DCUN1D4: variants seen among roughly 807,000 people sequenced by gnomAD.
DCUN1D4 encodes DCN1-like protein 4.
A neutral mutation model predicts 47.9 loss-of-function variants in DCUN1D4; 22 were observed. The observed-to-expected ratio is 0.46, with a 90% confidence interval of 0.33 to 0.66. The LOEUF is 0.66. DCUN1D4 is among the 30% of genes least tolerant of loss of function. The pLI, the probability that DCUN1D4 is intolerant of heterozygous loss-of-function variation, is 0.02. For missense variants in DCUN1D4, 301 were observed against 340.8 expected (o/e 0.88, Z 0.92); for synonymous variants, 121 against 112.2 (o/e 1.08, Z -0.50).
At chr4:51,872,873 G>A (rs150782065) in intron 3 of DCUN1D4, among the ~76,000 whole-genome samples, 3 of 152,360 alleles carry the variant, frequency 2.0e-5, no homozygotes, top group South Asian at 2.1e-4. Context: ...CGCCATGAGC[G>A]CAGTGCGCAT....
chr4:51,880,900 G>A (rs1167694893), intron 5 of DCUN1D4, among the ~76,000 whole-genome samples: 2 of 152,124 alleles, frequency 1.3e-5, no homozygotes, highest in East Asian at 1.9e-4. Flanking sequence ...AGGTCAAGGC[G>A]GGTGGATCAT....
At chr4:51,906,270 G>A (rs565213192) in intron 8 of DCUN1D4, among the ~76,000 whole-genome samples, 3 of 152,226 alleles carry the variant, frequency 2.0e-5, no homozygotes, top group African/African-American at 4.8e-5. Flanking sequence ...GCTGTAAGCA[G>A]CCACACAGGT....
intron 1 of DCUN1D4, among the ~76,000 whole-genome samples, chr4:51,847,511 C>T (rs1339815503): frequency 6.6e-6 from 1 of 152,202 alleles, no homozygotes; most frequent in Non-Finnish European, 1.5e-5. Context: ...GGAGAGATTG[C>T]ATCTCTTCCC....
intron 1 of DCUN1D4, among the ~76,000 whole-genome samples, chr4:51,856,542 A>G (rs1724172590): frequency 6.6e-6 from 1 of 152,112 alleles, no homozygotes; most frequent in Non-Finnish European, 1.5e-5. Context: ...CTTTTTTCCT[A>G]TTACAGAGTG....
At chr4:51,857,269 T>G (rs983180831) in intron 1 of DCUN1D4, among the ~76,000 whole-genome samples, 1 of 152,186 alleles carries the variant, frequency 6.6e-6, no homozygotes, top group Non-Finnish European at 1.5e-5. Flanking sequence ...GCAACTCCAG[T>G]GTACTCAGAA....
Position 51,882,499 on chromosome 4 carries a change from G to A in DCUN1D4, c.344-4069G>A, listed in dbSNP as rs1290215416. ...ATAAGTTGCACAGGCCGGGCACAGT[G>A]GCTCATGCCTATAATCTCAGCACTT... On this transcript the variant is annotated intron_variant, in intron 5 of 10. Coordinates refer to ENST00000334635, the MANE Select transcript of DCUN1D4 (RefSeq NM_001040402.3). Among the ~76,000 whole-genome samples the A allele has an allele frequency of 5.9e-5, 9 of 152,288 alleles. No individual in the cohort carries two copies. In the South Asian group the frequency reaches 1.9e-3, roughly 32 times the overall value.
chr4:51,886,241 G>A (rs940890373), intron 5 of DCUN1D4, among the ~76,000 whole-genome samples: 3 of 152,204 alleles, frequency 2.0e-5, no homozygotes, highest in East Asian at 1.9e-4. Context: ...ATTATTTTAT[G>A]TATTGAAATT....
intron 8 of DCUN1D4, among the ~76,000 whole-genome samples, chr4:51,900,811 G>A (rs934860948): frequency 6.6e-6 from 1 of 151,838 alleles, no homozygotes; most frequent in African/African-American, 2.4e-5. Flanking sequence ...CTTATAGTAT[G>A]GGTAGAAATT....
At chr4:51,860,858 A>G (rs1415370571) in intron 1 of DCUN1D4, among the ~76,000 whole-genome samples, 4 of 152,188 alleles carry the variant, frequency 2.6e-5, no homozygotes, top group African/African-American at 4.8e-5. Context: ...TATCACCATC[A>G]TAGGCTAAAA....
rs1047576472 is a variant in DCUN1D4 at position 51,916,473 on chromosome 4, A to G, written c.*2889A>G. On this transcript the variant is annotated 3_prime_UTR_variant, in exon 11 of 11. Coordinates refer to ENST00000334635, the MANE Select transcript of DCUN1D4 (RefSeq NM_001040402.3). ...CTTGGTTTTTATTCTTAAAACTGCT[A>G]AAATACCTCTGTAAGCCTTATCCTT... 6.6e-6 allele frequency: 1 copy of G among 152,578 alleles called. No individual in the cohort carries two copies. The highest frequency in any genetic ancestry group is 1.5e-5 in the Non-Finnish European group (1 of 68,008). 9.5% of individuals were successfully genotyped at this position (152,578 alleles called of 1,614,324 possible). A position where few individuals can be genotyped will look rare whatever the true frequency, so the allele number is the denominator to read the frequency against.
intron 7 of DCUN1D4, among the ~76,000 whole-genome samples, chr4:51,898,211 C>A (rs1731555791): frequency 6.6e-6 from 1 of 152,020 alleles, no homozygotes; most frequent in African/African-American, 2.4e-5. Flanking sequence ...ATGGGAGGAG[C>A]TCCCAGGGAG....
At position 51,874,350 on chromosome 4, in the gene DCUN1D4, A is replaced by G; in HGVS notation, c.216A>G (p.Gly72=). The G allele has an allele frequency of 6.2e-7, 1 of 1,613,806 alleles. No individual in the cohort carries two copies. The highest frequency in any genetic ancestry group is 8.5e-7 in the Non-Finnish European group (1 of 1,179,882). ...PPRKKRRPAS[G]DDLSAKKSRH... ...GGAAAAAGAGAAGACCTGCCTCTGGAGATGATTTATCTGCCAAGAAAAGTA... is the reference window on the plus strand; with the variant it reads ...GGAAAAAGAGAAGACCTGCCTCTGGGGATGATTTATCTGCCAAGAAAAGTA... The change falls in exon 4 of 11, where the codon GGA becomes GGG. Residue 72 remains glycine (G), a synonymous_variant. Coordinates refer to ENST00000334635, the MANE Select transcript of DCUN1D4 (RefSeq NM_001040402.3).
chr4:51,900,701 A>G (rs375707000), intron 8 of DCUN1D4, among the ~76,000 whole-genome samples: 1 of 152,080 alleles, frequency 6.6e-6, no homozygotes, highest in Non-Finnish European at 1.5e-5. Flanking sequence ...TATTTGCCAG[A>G]TGCTTTTTTT....
At chr4:51,838,219 T>A (rs1025197487), upstream of DCUN1D4, among the ~76,000 whole-genome samples, 1 of 152,148 alleles carries the variant, frequency 6.6e-6, no homozygotes, top group Non-Finnish European at 1.5e-5. Flanking sequence ...TCTGAATAAA[T>A]AATCTCATTT....
intron 1 of DCUN1D4, among the ~76,000 whole-genome samples, chr4:51,853,086 G>C (rs757838381): frequency 2.0e-5 from 3 of 152,294 alleles, no homozygotes; most frequent in Middle Eastern, 3.4e-3. Flanking sequence ...TGGGAGTGCA[G>C]CCAGACGGGT....
At chr4:51,889,857 C>T (rs1730145912) in intron 6 of DCUN1D4, among the ~76,000 whole-genome samples, 1 of 152,148 alleles carries the variant, frequency 6.6e-6, no homozygotes, top group South Asian at 2.1e-4. Context: ...TAAGTCACCA[C>T]TTTAACCTAT....
intron 7 of DCUN1D4, among the ~76,000 whole-genome samples, chr4:51,897,372 G>T (rs1731427350): frequency 6.6e-6 from 1 of 152,116 alleles, no homozygotes; most frequent in Non-Finnish European, 1.5e-5. Flanking sequence ...ATAGATTCGT[G>T]TGCTCTATTA....
intron 6 of DCUN1D4, among the ~76,000 whole-genome samples, chr4:51,888,469 G>A (rs1729875931): frequency 2.0e-5 from 3 of 152,146 alleles, no homozygotes; most frequent in Admixed American, 2.0e-4. Flanking sequence ...GGCCTGGCAT[G>A]ATGGCTCACG....
chr4:51,908,916 C>T (rs1425682558), intron 8 of DCUN1D4: 3 of 456,228 alleles, frequency 6.6e-6, no homozygotes, highest in Non-Finnish European at 1.3e-5. Flanking sequence ...CTCTTATTTG[C>T]TAGGCCGAAG....
Sources: gnomAD v4.1 joint callset for allele counts (sites outside exome capture counted in the v4.1 genomes callset) on GRCh38, gnomAD v4.1.1 for gene constraint, MANE v1.5 for transcripts, NCBI Gene and HGNC (gene_info 2026-07-23, HGNC 2026-07-21) for gene names.